FMN2: variants seen among roughly 807,000 people sequenced by gnomAD.
The protein encoded by FMN2 is formin-2.
A neutral mutation model predicts 142.3 loss-of-function variants in FMN2; 51 were observed. The observed-to-expected ratio is 0.36, with a 90% CI of 0.29 to 0.45. The LOEUF (loss-of-function observed/expected upper bound fraction) is 0.45, where lower values mean the gene tolerates loss of function less well. Ranked by LOEUF, FMN2 falls within the 20% of genes least tolerant of loss-of-function variation. FMN2 has a pLI of 1.00. For synonymous variants in FMN2, 882 were observed against 869.8 expected, an observed-to-expected ratio of 1.01 and a Z score of -0.25; for missense variants, 1,936 against 2,122.8, an observed-to-expected ratio of 0.91 and a Z score of 1.73.
chr1:240,093,717 G>A lies in FMN2; in HGVS notation c.1608G>A (p.Val536=). The change falls in exon 1 of 18, where the codon GTG becomes GTA. Residue 536 remains valine, a synonymous_variant. Coordinates refer to ENST00000319653, the MANE Select transcript of FMN2 (RefSeq NM_020066.5). ...CGGCTGCGGATGGCTTCCAGAACGT[G>A]TTCACAGGTGAGCGCGCCCTGCTGC... ...APAAADGFQN[V]FTGRTLLEKL... 2 of 1,353,488 alleles carry A rather than the reference G, an allele frequency of 1.5e-6. No homozygotes were observed. Among genetic ancestry groups the A allele is most frequent in the Non-Finnish European group, 1.9e-6 (2 of 1,059,538 alleles). 83.8% of individuals were successfully genotyped at this position (1,353,488 alleles called of 1,614,324 possible).
chr1:240,343,080 A>G (rs1481865075), intron 13 of FMN2, among the ~76,000 whole-genome samples: 1 of 152,208 alleles, frequency 6.6e-6, no homozygotes, highest in Non-Finnish European at 1.5e-5. Flanking sequence ...AAGTCTCTCA[A>G]TTCATATCAG....
chr1:240,309,485 C>T (rs1009881336), intron 8 of FMN2, among the ~76,000 whole-genome samples: 1 of 152,086 alleles, frequency 6.6e-6, no homozygotes, highest in African/African-American at 2.4e-5. Flanking sequence ...GTGCACAGTG[C>T]GTGGTGTCTG....
chr1:240,417,462 G>A (rs894027261), intron 15 of FMN2, among the ~76,000 whole-genome samples: 1 of 151,768 alleles, frequency 6.6e-6, no homozygotes, highest in Non-Finnish European at 1.5e-5. Flanking sequence ...TATAGGGCCT[G>A]GTACTGTGAA....
chr1:240,389,088 A>C (rs922580090), intron 14 of FMN2, among the ~76,000 whole-genome samples: 4 of 152,190 alleles, frequency 2.6e-5, no homozygotes, highest in African/African-American at 9.7e-5. Context: ...TCTACTCTAA[A>C]GAGTTGGGAA....
At chr1:240,202,933 A>G (rs1161557526) in intron 4 of FMN2, among the ~76,000 whole-genome samples, 1 of 152,240 alleles carries the variant, frequency 6.6e-6, no homozygotes. Flanking sequence ...CATGCTATTT[A>G]TCAACTAACC....
At chr1:240,143,137 C>G (rs1663266315) in intron 2 of FMN2, 1 of 1,570,452 alleles carries the variant, frequency 6.4e-7, no homozygotes, top group Admixed American at 1.7e-5. Context: ...GGGTCCTTGG[C>G]ATGATATTGA....
At chr1:240,363,312 G>A (rs1332780739) in intron 14 of FMN2, among the ~76,000 whole-genome samples, 5 of 152,220 alleles carry the variant, frequency 3.3e-5, no homozygotes, top group African/African-American at 9.6e-5. Flanking sequence ...TGAAAAAGAA[G>A]CAAATTGTCT....
At chr1:240,320,631 C>T (rs183434439) in intron 8 of FMN2, among the ~76,000 whole-genome samples, 4 of 152,168 alleles carry the variant, frequency 2.6e-5, no homozygotes, top group African/African-American at 4.8e-5. Context: ...CAATTTAGGA[C>T]GACAGTGAAT....
In FMN2 at chr1:240,474,494, C is replaced by A. The variant is rs1413731674; in HGVS notation, c.*340C>A. 1 of 212,556 alleles carries A rather than the reference C, an allele frequency of 4.7e-6. No individual in the cohort carries two copies. The highest frequency in any genetic ancestry group is 9.2e-6 in the Non-Finnish European group (1 of 108,264). The allele number at this position is 212,556 out of a possible 1,614,324, so 13.2% of individuals were successfully genotyped here. On this transcript the variant is annotated 3_prime_UTR_variant, in exon 18 of 18. Coordinates refer to ENST00000319653, the MANE Select transcript of FMN2 (RefSeq NM_020066.5). ...TACAATTCACTGTTGTGAGAATATT[C>A]CTCGTCACAGCAAAAACACTTTCCT...
chr1:240,193,399 A>T (rs1665790122), intron 4 of FMN2, among the ~76,000 whole-genome samples: 1 of 152,224 alleles, frequency 6.6e-6, no homozygotes, highest in South Asian at 2.1e-4. Flanking sequence ...GCGAGATGCA[A>T]TGTAATTCTG....
chr1:240,411,115 A>T (rs1255159421), intron 15 of FMN2, among the ~76,000 whole-genome samples: 3 of 152,194 alleles, frequency 2.0e-5, no homozygotes, highest in African/African-American at 7.2e-5. Context: ...TGTCTAGAAG[A>T]TATACAATAT....
chr1:240,124,365 G>A (rs1031555816), intron 2 of FMN2, among the ~76,000 whole-genome samples: 2 of 152,062 alleles, frequency 1.3e-5, no homozygotes, highest in Admixed American at 6.6e-5. Context: ...TGTGAAGTAC[G>A]GACGTGAAGC....
At chr1:240,351,550 T>G (rs1446906510) in intron 13 of FMN2, among the ~76,000 whole-genome samples, 1 of 152,220 alleles carries the variant, frequency 6.6e-6, no homozygotes, top group Admixed American at 6.5e-5. Context: ...GCATTGATGT[T>G]ACAAATACAG....
intron 2 of FMN2, among the ~76,000 whole-genome samples, chr1:240,172,079 T>A (rs1011301432): frequency 2.6e-5 from 4 of 152,196 alleles, no homozygotes; most frequent in African/African-American, 9.7e-5. Context: ...CACAGTATGT[T>A]GATTATTTAT....
chr1:240,343,355 C>T (rs1479130599), intron 13 of FMN2, among the ~76,000 whole-genome samples: 1 of 152,182 alleles, frequency 6.6e-6, no homozygotes, highest in Non-Finnish European at 1.5e-5. Context: ...ATAGTAAATG[C>T]TCTACAAAAA....
chr1:240,188,117 A>G (rs1665556437), intron 3 of FMN2, 90 bp from the exon 4 acceptor site: 1 of 1,269,022 alleles, frequency 7.9e-7, no homozygotes, highest in East Asian at 2.4e-5. Context: ...ATGGTTAATG[A>G]TATATTTTAG....
chr1:240,325,328 G>A (rs1475073518), intron 8 of FMN2, among the ~76,000 whole-genome samples: 1 of 132,108 alleles, frequency 7.6e-6, no homozygotes, highest in Non-Finnish European at 1.5e-5. Flanking sequence ...GGGTGACACG[G>A]TGAGACCCTG....
At chr1:240,437,865 C>T (rs758425945) in intron 15 of FMN2, among the ~76,000 whole-genome samples, 196 bp from the exon 16 acceptor site, 17 of 152,134 alleles carry the variant, frequency 1.1e-4, no homozygotes, top group South Asian at 4.1e-4. Flanking sequence ...GGAGGATTCT[C>T]GTCAGTTGCT....
chr1:240,357,571 TGTAA>T (rs1672314148), intron 14 of FMN2, among the ~76,000 whole-genome samples: 1 of 151,888 alleles, frequency 6.6e-6, no homozygotes, highest in Non-Finnish European at 1.5e-5. Flanking sequence ...ATACTAACTG[TGTAA>T]GTAAGTATCT....
Sources: gnomAD v4.1 joint callset for allele counts (sites outside exome capture counted in the v4.1 genomes callset) on GRCh38, gnomAD v4.1.1 for gene constraint, MANE v1.5 for transcripts, NCBI Gene and HGNC (gene_info 2026-07-23, HGNC 2026-07-21) for gene names.